Variants in DSCAM observed in about 807,000 individuals in gnomAD.
The protein encoded by DSCAM is DS cell adhesion molecule.
A neutral mutation model predicts 217.7 loss-of-function variants in DSCAM; 47 were observed. The observed-to-expected ratio is 0.22, with a 90% CI of 0.17 to 0.28. The LOEUF is 0.28. Among genes scored for constraint, DSCAM ranks in the 10% least tolerant of loss-of-function variants. DSCAM has a pLI of 1.00. For missense variants in DSCAM, 2,080 were observed against 2,618.3 expected, an observed-to-expected ratio of 0.79 and a Z score of 4.49; for synonymous variants, 1,056 against 1,015.3, an observed-to-expected ratio of 1.04 and a Z score of -0.76.
intron 3 of DSCAM, among the ~76,000 whole-genome samples, chr21:40,637,112 T>C (rs2089772231): frequency 3.9e-5 from 1 of 25,460 alleles, no homozygotes; most frequent in African/African-American, 1.9e-4. Context: ...CTCATTCATA[T>C]ATATATATAT....
intron 3 of DSCAM, among the ~76,000 whole-genome samples, chr21:40,477,040 CAA>C (rs1555925288): frequency 6.6e-6 from 1 of 152,070 alleles, no homozygotes; most frequent in Non-Finnish European, 1.5e-5. Flanking sequence ...TCAAAGAAAA[CAA>C]AAGTTATATA....
At chr21:40,242,376 C>T (rs1351451953) in intron 11 of DSCAM, among the ~76,000 whole-genome samples, 1 of 152,222 alleles carries the variant, frequency 6.6e-6, no homozygotes, top group African/African-American at 2.4e-5. Context: ...GGCCATATGA[C>T]TGGCTTTAGC....
chr21:40,397,119 A>G (rs1171185431), intron 3 of DSCAM, among the ~76,000 whole-genome samples: 2 of 152,178 alleles, frequency 1.3e-5, no homozygotes, highest in African/African-American at 4.8e-5. Flanking sequence ...GATGGATTTG[A>G]GACTGATCTT....
intron 5 of DSCAM, among the ~76,000 whole-genome samples, chr21:40,351,460 G>A (rs902004732): frequency 3.3e-5 from 5 of 152,222 alleles, no homozygotes; most frequent in Admixed American, 6.5e-5. Context: ...TGACATTCAG[G>A]AAGGACGCCA....
At chr21:40,536,765 A>G (rs1479735312) in intron 3 of DSCAM, among the ~76,000 whole-genome samples, 1 of 152,186 alleles carries the variant, frequency 6.6e-6, no homozygotes, top group African/African-American at 2.4e-5. Context: ...TTGTAAGGAC[A>G]TAATATAACG....
At chr21:40,019,320 A>C (rs769979918) in intron 32 of DSCAM, among the ~76,000 whole-genome samples, 12 of 152,242 alleles carry the variant, frequency 7.9e-5, no homozygotes, top group Non-Finnish European at 1.6e-4. Context: ...GGGAGAAACC[A>C]GCCCTTGGCT....
At chr21:40,585,535 T>C (rs2076940275) in intron 3 of DSCAM, among the ~76,000 whole-genome samples, 1 of 152,078 alleles carries the variant, frequency 6.6e-6, no homozygotes, top group Non-Finnish European at 1.5e-5. Context: ...ACATGGGCAA[T>C]TTCAGAGAGG....
chr21:40,578,751 C>A (rs2076878116), intron 3 of DSCAM, among the ~76,000 whole-genome samples: 1 of 152,094 alleles, frequency 6.6e-6, no homozygotes. Context: ...AACAAGAACC[C>A]ATAGGAAGGA....
At chr21:40,090,598 TA>T (rs1425023136) in intron 21 of DSCAM, among the ~76,000 whole-genome samples, 4 of 152,196 alleles carry the variant, frequency 2.6e-5, no homozygotes, top group Non-Finnish European at 5.9e-5. Context: ...ATCCACAGCC[TA>T]ACACCCTCCT....
At chr21:40,658,351 G>T (rs2090098718) in intron 3 of DSCAM, among the ~76,000 whole-genome samples, 1 of 152,106 alleles carries the variant, frequency 6.6e-6, no homozygotes, top group African/African-American at 2.4e-5. Context: ...CTAGCTTTTT[G>T]TCAAGCCCTC....
At chr21:40,702,495 A>G (rs771434786) in intron 2 of DSCAM, among the ~76,000 whole-genome samples, 3 of 152,122 alleles carry the variant, frequency 2.0e-5, no homozygotes, top group African/African-American at 7.2e-5. Context: ...ATGGTATATC[A>G]TTTTTATCCT....
intron 5 of DSCAM, among the ~76,000 whole-genome samples, chr21:40,351,298 G>A (rs1399719186): frequency 6.6e-6 from 1 of 152,144 alleles, no homozygotes; most frequent in Non-Finnish European, 1.5e-5. Flanking sequence ...TTTCATGTTT[G>A]CATCTGAGGG....
At chr21:40,517,184 C>T (rs963358286) in intron 3 of DSCAM, among the ~76,000 whole-genome samples, 4 of 148,376 alleles carry the variant, frequency 2.7e-5, no homozygotes, top group African/African-American at 5.0e-5. Context: ...ACCTCATATA[C>T]GCTCTCTCTG....
At chr21:40,362,729 T>C (rs1232457222) in intron 4 of DSCAM, among the ~76,000 whole-genome samples, 3 of 152,202 alleles carry the variant, frequency 2.0e-5, no homozygotes, top group African/African-American at 7.2e-5. Flanking sequence ...TCATCTGTTA[T>C]CAGAATGAAG....
At chr21:40,299,499 G>A (rs1185113629) in intron 9 of DSCAM, among the ~76,000 whole-genome samples, 2 of 152,132 alleles carry the variant, frequency 1.3e-5, no homozygotes, top group African/African-American at 4.8e-5. Flanking sequence ...CTTGGGTTGA[G>A]TTCTGCCTGG....
intron 3 of DSCAM, among the ~76,000 whole-genome samples, chr21:40,382,582 G>A (rs2075037781): frequency 6.6e-6 from 1 of 152,164 alleles, no homozygotes; most frequent in Admixed American, 6.5e-5. Context: ...TGAGTTTACT[G>A]AGCTATCCAT....
intron 1 of DSCAM, among the ~76,000 whole-genome samples, chr21:40,818,189 C>CCTG: frequency 6.6e-6 from 1 of 151,302 alleles, no homozygotes; most frequent in Non-Finnish European, 1.5e-5. Context: ...TCCGCCTGTC[C>CCTG]CTGCAACACT....
At chr21:40,029,032 T>C (rs544065396) in intron 32 of DSCAM, among the ~76,000 whole-genome samples, 1 of 152,184 alleles carries the variant, frequency 6.6e-6, no homozygotes, top group East Asian at 1.9e-4. Flanking sequence ...CAAATTATTG[T>C]CTTCTTCCAT....
chr21:40,306,314 G>A (rs1042710293), intron 9 of DSCAM, among the ~76,000 whole-genome samples: 4 of 150,350 alleles, frequency 2.7e-5, no homozygotes, highest in African/African-American at 1.0e-4. Context: ...CTTTGCTGAA[G>A]TTGCTTATCA....
Sources: allele counts gnomAD v4.1 joint callset (sites outside exome capture counted in the v4.1 genomes callset), GRCh38; gene constraint gnomAD v4.1.1; transcripts MANE v1.5; gene names NCBI Gene and HGNC (gene_info 2026-07-23, HGNC 2026-07-21).